Variants in SLC71A1 observed in about 807,000 individuals in gnomAD.
SLC71A1 encodes the protein solute carrier family 71 member 1, also known as hippocampus abundant gene transcript 1.
chr1:100,069,764 A>G, the SLC71A1 span: 1 of 849,860 alleles, frequency 1.2e-6, no homozygotes, highest in Non-Finnish European at 2.0e-6. Context: ...TAGTGATGGT[A>G]TCTTGGTGGA....
chr1:100,081,529 T>G, the SLC71A1 span, among the ~76,000 whole-genome samples: 2 of 152,072 alleles, frequency 1.3e-5, no homozygotes, highest in African/African-American at 2.4e-5. Flanking sequence ...TATGCCACCA[T>G]GACCGGCTAA....
chr1:100,058,860 TA>T, the SLC71A1 span: 1 of 485,062 alleles, frequency 2.1e-6, no homozygotes, highest in Non-Finnish European at 3.7e-6. Flanking sequence ...ACTTAATTTT[TA>T]TAATTAGATG....
chr1:100,081,933 A>C, the SLC71A1 span: 1 of 1,179,282 alleles, frequency 8.5e-7, no homozygotes, highest in South Asian at 1.3e-5. Flanking sequence ...TTAATACTAA[A>C]AGGTATGTAG....
At chr1:100,077,684 A>G in the SLC71A1 span, among the ~76,000 whole-genome samples, 1 of 152,226 alleles carries the variant, frequency 6.6e-6, no homozygotes, top group Non-Finnish European at 1.5e-5. Context: ...GCAAACCAGA[A>G]GTGAAAACAA....
the SLC71A1 span, among the ~76,000 whole-genome samples, chr1:100,048,263 C>G: frequency 1.3e-5 from 2 of 152,010 alleles, no homozygotes; most frequent in Admixed American, 1.3e-4. Flanking sequence ...ACTGCAACCT[C>G]TGCCTCCCAG....
At chr1:100,059,298 A>G in the SLC71A1 span, among the ~76,000 whole-genome samples, 1 of 151,346 alleles carries the variant, frequency 6.6e-6, no homozygotes, top group Non-Finnish European at 1.5e-5. Flanking sequence ...AGCTGGGACC[A>G]CAGACATGTG....
At chr1:100,077,491 C>T in the SLC71A1 span, among the ~76,000 whole-genome samples, 90 of 152,244 alleles carry the variant, frequency 5.9e-4, 1 homozygote, top group South Asian at 0.018. Flanking sequence ...AGCTAAATGA[C>T]AGGCTGAATT....
the SLC71A1 span, chr1:100,061,896 G>C: frequency 6.2e-7 from 1 of 1,613,536 alleles, no homozygotes; most frequent in Non-Finnish European, 8.5e-7. Context: ...TGTGGTATTT[G>C]CATACGTAGC....
the SLC71A1 span, among the ~76,000 whole-genome samples, chr1:100,081,351 AC>A: frequency 9.2e-5 from 14 of 152,186 alleles, no homozygotes; most frequent in Non-Finnish European, 1.8e-4. Flanking sequence ...TGTAGTAAAT[AC>A]TGTATGCTAC....
At chr1:100,059,145 T>TG in the SLC71A1 span, among the ~76,000 whole-genome samples, 327 of 89,500 alleles carry the variant, frequency 3.7e-3, 10 homozygotes, top group African/African-American at 0.018. Flanking sequence ...CTTTTTCGTG[T>TG]TTTTTTTTTT....
the SLC71A1 span, among the ~76,000 whole-genome samples, chr1:100,080,862 A>C: frequency 7.9e-5 from 12 of 152,340 alleles, no homozygotes; most frequent in South Asian, 2.5e-3. Flanking sequence ...CTTGAGAATG[A>C]AAAATTTTAA....
At chr1:100,068,552 G>C in the SLC71A1 span, 1 of 1,613,408 alleles carries the variant, frequency 6.2e-7, no homozygotes, top group Non-Finnish European at 8.5e-7. Context: ...CCGGAGGCAG[G>C]CCAATATTCC....
At chr1:100,072,439 T>C in the SLC71A1 span, among the ~76,000 whole-genome samples, 1 of 152,222 alleles carries the variant, frequency 6.6e-6, no homozygotes, top group East Asian at 1.9e-4. Context: ...TATCTCTGTT[T>C]ATTGCCTTAG....
the SLC71A1 span, among the ~76,000 whole-genome samples, chr1:100,077,447 G>A: frequency 6.6e-6 from 1 of 152,036 alleles, no homozygotes; most frequent in Admixed American, 6.6e-5. Flanking sequence ...TGTTCTCCTA[G>A]AATGGCTTGA....
At chr1:100,075,944 C>T in the SLC71A1 span, among the ~76,000 whole-genome samples, 1 of 152,190 alleles carries the variant, frequency 6.6e-6, no homozygotes, top group Non-Finnish European at 1.5e-5. Flanking sequence ...CCCCAAAGTG[C>T]TGGGATTACA....
the SLC71A1 span, among the ~76,000 whole-genome samples, chr1:100,070,070 A>C: frequency 6.6e-6 from 1 of 152,188 alleles, no homozygotes; most frequent in Non-Finnish European, 1.5e-5. Context: ...TAGAGTTTAC[A>C]TTCTGGTGGG....
At chr1:100,074,555 G>A in the SLC71A1 span, among the ~76,000 whole-genome samples, 2 of 151,644 alleles carry the variant, frequency 1.3e-5, no homozygotes, top group Admixed American at 1.3e-4. Context: ...CTCCAGCCTG[G>A]GCAACAAGAG....
the SLC71A1 span, among the ~76,000 whole-genome samples, chr1:100,042,700 C>T: frequency 2.0e-5 from 3 of 152,036 alleles, no homozygotes; most frequent in African/African-American, 7.3e-5. Context: ...CTCTGCCTCC[C>T]TGGTTCAAGG....
chr1:100,061,303 C>T, the SLC71A1 span, among the ~76,000 whole-genome samples: 1 of 152,148 alleles, frequency 6.6e-6, no homozygotes, highest in Non-Finnish European at 1.5e-5. Context: ...GTTTTATGAA[C>T]ACTGAATCCT....
Sources: gnomAD v4.1 joint callset for allele counts (sites outside exome capture counted in the v4.1 genomes callset) on GRCh38, gnomAD v4.1.1 for gene constraint, MANE v1.5 for transcripts, NCBI Gene and HGNC (gene_info 2026-07-23, HGNC 2026-07-21) for gene names.